RAMAC: variants seen among roughly 807,000 people sequenced by gnomAD.
RAMAC encodes RNA guanine-N7 methyltransferase activating subunit.
A neutral mutation model predicts 17.9 loss-of-function variants in RAMAC; 11 were observed. The observed-to-expected ratio is 0.61, with a 90% CI of 0.39 to 1.02. The LOEUF (loss-of-function observed/expected upper bound fraction) is 1.02. Ranked by LOEUF, RAMAC falls within the 50% of genes least tolerant of loss-of-function variation. The pLI is 0.01. For synonymous variants in RAMAC, 27 were observed against 48.4 expected, an observed-to-expected ratio of 0.56 and a Z score of 1.84; for missense variants, 109 against 144.0, an observed-to-expected ratio of 0.76 and a Z score of 1.25.
intron 2 of RAMAC, among the ~76,000 whole-genome samples, chr15:82,987,945 G>T (rs1411132123): frequency 6.7e-6 from 1 of 149,116 alleles, no homozygotes; most frequent in Non-Finnish European, 1.5e-5. Flanking sequence ...AGAGACAGGA[G>T]AATCACTTGA....
At chr15:82,986,480 G>C (rs1350622932) in intron 1 of RAMAC, 111 bp downstream of exon 1, 1 of 152,220 alleles carries the variant, frequency 6.6e-6, no homozygotes, top group Non-Finnish European at 1.5e-5. Flanking sequence ...ACCGAAGCCC[G>C]TTTACTTCTC....
intron 2 of RAMAC, chr15:82,988,685 T>G (rs1378692612): frequency 1.1e-5 from 5 of 450,072 alleles, no homozygotes; most frequent in Non-Finnish European, 2.2e-5. Flanking sequence ...ATACGAAAAT[T>G]AGCCGGGTGT....
At chr15:82,989,829 TG>T (rs1283772116) in intron 3 of RAMAC, 51 bp from the exon 4 acceptor site, 37 of 1,595,938 alleles carry the variant, frequency 2.3e-5, no homozygotes, top group East Asian at 4.5e-5. Flanking sequence ...GTTTGTCATA[TG>T]TTTTTTTTAA....
At position 82,989,046 on chromosome 15, in the gene RAMAC, A is replaced by C; in HGVS notation, c.28A>C (p.Lys10Gln). 6.2e-7 allele frequency: 1 copy of C among 1,613,118 alleles called. No homozygotes were observed. MTDTAEAVP[K>Q]FEEMFASRFT... The stretch of plus-strand genomic sequence containing the variant: ...GACTGACACTGCCGAAGCTGTTCCA[A>C]AGTTTGAAGAGATGTTTGCTAGTAG... The change falls in exon 3 of 4, where the codon AAG (lysine) becomes CAG (glutamine). Residue 10 changes from lysine (K) to glutamine (Q), a missense_variant. By Grantham distance (53) the Lys-to-Gln change is moderately conservative. Coordinates refer to ENST00000304191, the MANE Select transcript of RAMAC (RefSeq NM_031452.4).
intron 3 of RAMAC, 42 bp from the exon 4 acceptor site, chr15:82,989,838 TA>T (rs1282301556): frequency 6.2e-7 from 1 of 1,600,392 alleles, no homozygotes; most frequent in Non-Finnish European, 8.5e-7. Context: ...ATGTTTTTTT[TA>T]ACAAGGGAAG....
In RAMAC at chr15:82,988,992, G is replaced by A. The variant is rs758600939; in HGVS notation, c.-9-18G>A. 13 of 1,559,774 alleles carry A rather than the reference G, an allele frequency of 8.3e-6. No individual in the cohort carries two copies. In the Admixed American group the frequency reaches 2.7e-4, roughly 32 times the overall value. Reference sequence around the variant, plus strand: ...TTTTTAAATTTTTTTTAATGGAAATGTCTTTAAAATTGTACAGATTTTCAG... The same window carrying A: ...TTTTTAAATTTTTTTTAATGGAAATATCTTTAAAATTGTACAGATTTTCAG... On this transcript the variant is annotated intron_variant, in intron 2 of 3. Transcript: ENST00000304191.
At position 82,990,734 on chromosome 15, in the gene RAMAC, T is replaced by G; in HGVS notation, c.*667T>G. The G allele has an allele frequency of 8.2e-7, 1 of 1,213,638 alleles. No homozygotes were observed. Among genetic ancestry groups the G allele is most frequent in the East Asian group, 2.5e-5 (1 of 39,268 alleles). The allele number at this position is 1,213,638 out of a possible 1,614,324, so 75.2% of individuals were successfully genotyped here. On this transcript the variant is annotated 3_prime_UTR_variant, in exon 4 of 4. Coordinates refer to ENST00000304191, the MANE Select transcript of RAMAC (RefSeq NM_031452.4). ...TGGGATAAGGGTACACATCATTTTA[T>G]ACAAACACTAAAGCTTTTTGCTAAC... is the stretch of plus-strand genomic sequence containing the variant.
Position 82,990,748 on chromosome 15 carries a change from C to G in RAMAC, c.*681C>G. ...ACATCATTTTATACAAACACTAAAG[C>G]TTTTTGCTAACAACATAGCAGGTCA... On this transcript the variant is annotated 3_prime_UTR_variant, in exon 4 of 4. Coordinates refer to ENST00000304191, the MANE Select transcript of RAMAC (RefSeq NM_031452.4). 1 of 1,098,190 alleles carries G rather than the reference C, an allele frequency of 9.1e-7. No homozygotes were observed. The highest frequency in any genetic ancestry group is 2.1e-5 in the Admixed American group (1 of 47,450). 68.0% of individuals were successfully genotyped at this position (1,098,190 alleles called of 1,614,324 possible).
Position 82,989,958 on chromosome 15 carries a change from A to G in RAMAC, c.248A>G (p.His83Arg), listed in dbSNP as rs773262295. The G allele has an allele frequency of 4.3e-6, 7 of 1,611,352 alleles. No individual in the cohort carries two copies. Among genetic ancestry groups the G allele is most frequent in the Middle Eastern group, 1.7e-4 (1 of 6,054 alleles). Residue 83 changes from histidine to arginine, a missense_variant, in exon 4 of 4, where the codon CAT becomes CGT. Coordinates refer to ENST00000304191, the MANE Select transcript of RAMAC (RefSeq NM_031452.4). The stretch of plus-strand genomic sequence containing the variant: ...AGTGACAATCGATCCAATCAGTGGC[A>G]TGGACGATCCTGGGGTAACAACTAC... ...WPSDNRSNQW[H>R]GRSWGNNYPQ...
intron 2 of RAMAC, 145 bp from the exon 3 acceptor site, chr15:82,988,865 A>G (rs1461814748): frequency 1.4e-6 from 1 of 715,866 alleles, no homozygotes; most frequent in Non-Finnish European, 2.3e-6. Context: ...TGAATTCAAT[A>G]TCTAAAATAT....
At position 82,990,543 on chromosome 15, in the gene RAMAC, C is replaced by CTTT. The variant is rs397854504; in HGVS notation, c.*488_*490dup. ...CAGCAGTTGAAAGGTAAAACAATTG[C>CTTT]TTTTTTTTTTTTTTGCATTTGTTAA... On this transcript the variant is annotated 3_prime_UTR_variant, in exon 4 of 4. Coordinates refer to ENST00000304191, the MANE Select transcript of RAMAC (RefSeq NM_031452.4). 2,068 of 686,578 alleles carry CTTT rather than the reference C, an allele frequency of 3.0e-3. 2 individuals carry two copies. The highest frequency in any genetic ancestry group is 8.2e-3 in the South Asian group (362 of 44,182). 42.5% of individuals were successfully genotyped at this position (686,578 alleles called of 1,614,324 possible).
At chr15:82,989,223 T>A (rs1567084637) in intron 3 of RAMAC, 35 bp downstream of exon 3, 1 of 1,604,588 alleles carries the variant, frequency 6.2e-7, no homozygotes. Context: ...AGATAGTTGA[T>A]CTGGCAGAGG....
At chr15:82,989,846 G>A in intron 3 of RAMAC, 35 bp from the exon 4 acceptor site, 3 of 1,601,928 alleles carry the variant, frequency 1.9e-6, no homozygotes, top group Non-Finnish European at 2.6e-6. Context: ...TTTAACAAGG[G>A]AAGTTTAAAG....
rs753565744 is a variant in RAMAC at position 82,990,098 on chromosome 15, T to A, written c.*31T>A. ...ATGTTGGCAGCTTTTAGTAAAAGCA[T>A]TTACTCTGTTACCATGAGAAAAGTT... On this transcript the variant is annotated 3_prime_UTR_variant, in exon 4 of 4. Coordinates refer to ENST00000304191, the MANE Select transcript of RAMAC (RefSeq NM_031452.4). The A allele has an allele frequency of 7.6e-6, 8 of 1,056,400 alleles. No homozygotes were observed. In the African/African-American group the frequency reaches 1.1e-4, roughly 15 times the overall value. The allele number at this position is 1,056,400 out of a possible 1,614,324, so 65.4% of individuals were successfully genotyped here. A position where few individuals can be genotyped will look rare whatever the true frequency, so the allele number is the denominator to read the frequency against.
chr15:82,990,530 G>A lies in RAMAC; in HGVS notation c.*463G>A. The A allele has an allele frequency of 1.2e-6, 1 of 835,840 alleles. No individual in the cohort carries two copies. The highest frequency in any genetic ancestry group is 1.7e-5 in the South Asian group (1 of 57,914). 51.8% of individuals were successfully genotyped at this position (835,840 alleles called of 1,614,324 possible). A position where few individuals can be genotyped will look rare whatever the true frequency, so the allele number is the denominator to read the frequency against. On this transcript the variant is annotated 3_prime_UTR_variant, in exon 4 of 4. Coordinates refer to ENST00000304191, the MANE Select transcript of RAMAC (RefSeq NM_031452.4). ...TTGTACATAACATCAGCAGTTGAAA[G>A]GTAAAACAATTGCTTTTTTTTTTTT...
At position 82,990,683 on chromosome 15, in the gene RAMAC, A is replaced by AC. The variant is rs1425343636; in HGVS notation, c.*616_*617insC. On this transcript the variant is annotated 3_prime_UTR_variant, in exon 4 of 4. Coordinates refer to ENST00000304191, the MANE Select transcript of RAMAC (RefSeq NM_031452.4). ...GTAAAATAAGGAAGGAATCATTGTCAGTTTGTGTCTTGATCTGGTGGTGGT... is the reference window on the plus strand; with the variant it reads ...GTAAAATAAGGAAGGAATCATTGTCACGTTTGTGTCTTGATCTGGTGGTGGT... The AC allele has an allele frequency of 6.6e-7, 1 of 1,516,356 alleles. No homozygotes were observed. Among genetic ancestry groups the AC allele is most frequent in the Non-Finnish European group, 9.0e-7 (1 of 1,115,236 alleles). The allele number at this position is 1,516,356 out of a possible 1,614,324, so 93.9% of individuals were successfully genotyped here. A position where few individuals can be genotyped will look rare whatever the true frequency, so the allele number is the denominator to read the frequency against.
At chr15:82,988,845 A>AC in intron 2 of RAMAC, 165 bp from the exon 3 acceptor site, 1 of 673,100 alleles carries the variant, frequency 1.5e-6, no homozygotes, top group Non-Finnish European at 2.4e-6. Context: ...CAAAAAAAAA[A>AC]AAAAAATGTT....
intron 2 of RAMAC, 72 bp from the exon 3 acceptor site, chr15:82,988,938 G>T: frequency 7.0e-7 from 1 of 1,422,644 alleles, no homozygotes; most frequent in Non-Finnish European, 9.4e-7. Flanking sequence ...CTTACTTCTT[G>T]GTTTTTCATT....
chr15:82,986,530 C>T (rs2151268372), intron 1 of RAMAC, among the ~76,000 whole-genome samples, 161 bp downstream of exon 1: 2 of 152,284 alleles, frequency 1.3e-5, no homozygotes, highest in Middle Eastern at 3.4e-3. Flanking sequence ...GTATAAGGTG[C>T]TTCGGAAGGG....
Sources: gnomAD v4.1 joint callset for allele counts (sites outside exome capture counted in the v4.1 genomes callset) on GRCh38, gnomAD v4.1.1 for gene constraint, MANE v1.5 for transcripts, NCBI Gene and HGNC (gene_info 2026-07-23, HGNC 2026-07-21) for gene names.